Variants in NKAIN2 observed in about 807,000 individuals in gnomAD.
NKAIN2 encodes sodium/potassium-transporting ATPase subunit beta-1-interacting protein 2.
NKAIN2 carries 14 observed loss-of-function variants against 32.6 expected under a neutral mutation model. The observed-to-expected ratio is 0.43, with a 90% CI of 0.28 to 0.67. The LOEUF is 0.67. Among genes scored for constraint, NKAIN2 ranks in the 30% least tolerant of loss-of-function variants. The pLI, the probability that NKAIN2 is intolerant of heterozygous loss-of-function variation, is 0.17. For synonymous variants in NKAIN2, 80 were observed against 87.2 expected (o/e 0.92, Z 0.46); for missense variants, 198 against 258.3 (o/e 0.77, Z 1.60).
intron 3 of NKAIN2, among the ~76,000 whole-genome samples, chr6:124,569,510 G>C (rs1781045905): frequency 6.6e-6 from 1 of 152,164 alleles, no homozygotes; most frequent in Non-Finnish European, 1.5e-5. Flanking sequence ...GAGGGACCCA[G>C]CGGGAGGTAA....
intron 1 of NKAIN2, among the ~76,000 whole-genome samples, chr6:123,876,337 A>G (rs1411523735): frequency 6.6e-6 from 1 of 152,158 alleles, no homozygotes; most frequent in East Asian, 1.9e-4. Context: ...TCAGCTATTT[A>G]GATTATAAGT....
chr6:124,036,595 TCATCAG>T (rs1781613644), intron 1 of NKAIN2, among the ~76,000 whole-genome samples: 1 of 152,112 alleles, frequency 6.6e-6, no homozygotes, highest in Non-Finnish European at 1.5e-5. Flanking sequence ...AACAAAGAGT[TCATCAG>T]CTAATCTCTC....
At chr6:123,808,959 A>G (rs904106136) in intron 1 of NKAIN2, among the ~76,000 whole-genome samples, 2 of 152,212 alleles carry the variant, frequency 1.3e-5, no homozygotes, top group Non-Finnish European at 2.9e-5. Flanking sequence ...TAACATTTCT[A>G]TGTTGATCCT....
At chr6:124,777,987 A>C (rs1294631344) in intron 4 of NKAIN2, among the ~76,000 whole-genome samples, 1 of 151,894 alleles carries the variant, frequency 6.6e-6, no homozygotes, top group Non-Finnish European at 1.5e-5. Context: ...ACACACACAC[A>C]TGTACACAGA....
intron 1 of NKAIN2, among the ~76,000 whole-genome samples, chr6:123,999,111 G>A (rs570383624): frequency 8.0e-4 from 122 of 151,994 alleles, no homozygotes; most frequent in African/African-American, 2.8e-3. Context: ...ACGACCCCAG[G>A]GAACTTACAG....
chr6:123,998,665 A>G (rs989807019), intron 1 of NKAIN2, among the ~76,000 whole-genome samples: 5 of 151,932 alleles, frequency 3.3e-5, no homozygotes, highest in Admixed American at 2.6e-4. Context: ...ATGATTCACA[A>G]TAGTCAAGAT....
At chr6:124,819,708 G>C (rs1227787676) in intron 6 of NKAIN2, among the ~76,000 whole-genome samples, 1 of 152,238 alleles carries the variant, frequency 6.6e-6, no homozygotes, top group South Asian at 2.1e-4. Flanking sequence ...CTATCAAGGA[G>C]TCCCTATTAC....
chr6:124,696,258 C>T lies in NKAIN2; in HGVS notation c.474+37872C>T, dbSNP rs553734125. ...TGGTTTGTATGAATCACTTTGCATG[C>T]GAATGTGAAGTGGGAGACAGGAGGA... is the stretch of plus-strand genomic sequence containing the variant. On this transcript the variant is annotated intron_variant, in intron 4 of 6. Transcript: ENST00000368417. Among the ~76,000 whole-genome samples the T allele has an allele frequency of 1.8e-4, 28 of 152,080 alleles. No homozygotes were observed. In the South Asian group the frequency reaches 2.9e-3, roughly 16 times the overall value.
intron 3 of NKAIN2, among the ~76,000 whole-genome samples, chr6:124,543,723 T>G (rs1467105557): frequency 1.3e-5 from 2 of 151,884 alleles, no homozygotes; most frequent in Non-Finnish European, 2.9e-5. Flanking sequence ...GAAGAGAAAG[T>G]GAAGGAGATA....
intron 1 of NKAIN2, among the ~76,000 whole-genome samples, chr6:123,982,189 G>A (rs957549294): frequency 1.3e-5 from 2 of 151,986 alleles, no homozygotes; most frequent in African/African-American, 4.8e-5. Flanking sequence ...TACATGCGAG[G>A]CAGACCCATG....
At chr6:123,927,129 A>G (rs62435598) in intron 1 of NKAIN2, among the ~76,000 whole-genome samples, 6,256 of 151,992 alleles carry the variant, frequency 0.041, 202 homozygotes, top group Non-Finnish European at 0.062. Flanking sequence ...CAAGGCAACC[A>G]TGTGGCCATG....
At chr6:123,926,601 G>T (rs904693427) in intron 1 of NKAIN2, among the ~76,000 whole-genome samples, 1 of 152,004 alleles carries the variant, frequency 6.6e-6, no homozygotes, top group Non-Finnish European at 1.5e-5. Context: ...CACCTGCCTC[G>T]CAACACTCTT....
At chr6:123,898,830 T>C (rs1440790409) in intron 1 of NKAIN2, among the ~76,000 whole-genome samples, 11 of 152,184 alleles carry the variant, frequency 7.2e-5, no homozygotes, top group Non-Finnish European at 1.6e-4. Flanking sequence ...TCCAGTACCA[T>C]GGCCTGGAAG....
At chr6:124,142,682 C>T (rs1461806908) in intron 1 of NKAIN2, among the ~76,000 whole-genome samples, 1 of 152,090 alleles carries the variant, frequency 6.6e-6, no homozygotes, top group Non-Finnish European at 1.5e-5. Flanking sequence ...TCCATATTTT[C>T]AAGAACAATG....
chr6:124,074,471 A>G (rs1025648142), intron 1 of NKAIN2, among the ~76,000 whole-genome samples: 9 of 152,110 alleles, frequency 5.9e-5, no homozygotes, highest in Non-Finnish European at 2.9e-5. Context: ...GCACTTTCAG[A>G]CTTGCTAGGT....
chr6:124,276,247 A>C (rs1475653348), intron 1 of NKAIN2, among the ~76,000 whole-genome samples: 3 of 151,744 alleles, frequency 2.0e-5, no homozygotes, highest in African/African-American at 4.8e-5. Context: ...AGGATAAATT[A>C]TTATTTTTAG....
chr6:124,443,463 C>T (rs62436346), intron 3 of NKAIN2, among the ~76,000 whole-genome samples: 134 of 152,184 alleles, frequency 8.8e-4, no homozygotes, highest in African/African-American at 3.1e-3. Flanking sequence ...TCTGCTCTAG[C>T]AAAGATGCCA....
At chr6:124,090,970 A>G (rs187122158) in intron 1 of NKAIN2, among the ~76,000 whole-genome samples, 8 of 152,124 alleles carry the variant, frequency 5.3e-5, no homozygotes, top group Admixed American at 5.3e-4. Flanking sequence ...AACATTTTTA[A>G]GTTTTTCCAA....
At chr6:124,183,401 CATG>C (rs1317352630) in intron 1 of NKAIN2, among the ~76,000 whole-genome samples, 3 of 152,158 alleles carry the variant, frequency 2.0e-5, no homozygotes, top group African/African-American at 7.2e-5. Context: ...GCTTCAAAAT[CATG>C]ATCAGTCTGT....
Sources: gnomAD v4.1 joint callset for allele counts (sites outside exome capture counted in the v4.1 genomes callset) on GRCh38, gnomAD v4.1.1 for gene constraint, MANE v1.5 for transcripts, NCBI Gene and HGNC (gene_info 2026-07-23, HGNC 2026-07-21) for gene names.